KCNIP4: variants seen among roughly 807,000 people sequenced by gnomAD.
KCNIP4 encodes the protein potassium voltage-gated channel interacting protein 4, also known as Kv channel-interacting protein 4.
A neutral mutation model predicts 34.0 loss-of-function variants in KCNIP4; 12 were observed. The ratio of observed to expected loss-of-function variants is 0.35; its 90% CI spans 0.23 to 0.57. The LOEUF (loss-of-function observed/expected upper bound fraction) is 0.57. Among genes scored for constraint, KCNIP4 ranks in the 20% least tolerant of loss-of-function variants. KCNIP4 has a pLI of 0.83. For missense variants in KCNIP4, 238 were observed against 311.7 expected (o/e 0.76, Z 1.78); for synonymous variants, 124 against 102.2 (o/e 1.21, Z -1.29).
chr4:21,621,607 C>A (rs1745002001), intron 1 of KCNIP4, among the ~76,000 whole-genome samples: 1 of 152,096 alleles, frequency 6.6e-6, no homozygotes, highest in South Asian at 2.1e-4. Flanking sequence ...ATCCTCCCAC[C>A]TTAGCCTCCC....
intron 1 of KCNIP4, among the ~76,000 whole-genome samples, chr4:21,078,016 A>G (rs920296949): frequency 6.6e-6 from 1 of 152,132 alleles, no homozygotes; most frequent in Admixed American, 6.6e-5. Context: ...GCTTCTGGAG[A>G]CAAGGTGGCT....
At chr4:21,905,363 C>T (rs1312813160) in intron 1 of KCNIP4, among the ~76,000 whole-genome samples, 4 of 152,266 alleles carry the variant, frequency 2.6e-5, no homozygotes, top group African/African-American at 9.6e-5. Context: ...GGGCTTCATG[C>T]AGGGCTGATG....
At chr4:21,345,845 G>A (rs748575868) in intron 1 of KCNIP4, among the ~76,000 whole-genome samples, 28 of 151,778 alleles carry the variant, frequency 1.8e-4, no homozygotes, top group Non-Finnish European at 4.0e-4. Flanking sequence ...TCATTAGTTA[G>A]AATTAAAGCC....
chr4:20,913,137 A>G lies in KCNIP4; in HGVS notation c.62-30428T>C, dbSNP rs550131466. Among the ~76,000 whole-genome samples, 4 of 152,326 alleles carry G rather than the reference A, an allele frequency of 2.6e-5. No homozygotes were observed. In the South Asian group the frequency reaches 8.3e-4, roughly 32 times the overall value. On this transcript the variant is annotated intron_variant, in intron 1 of 8. Transcript: ENST00000382152. ...AAAGGTGGAAACAACCACAATGTCC[A>G]TTAACTGATAAATGAATAAACAAAA...
intron 1 of KCNIP4, among the ~76,000 whole-genome samples, chr4:21,134,580 T>A (rs184046115): frequency 6.6e-6 from 1 of 152,176 alleles, no homozygotes; most frequent in Admixed American, 6.5e-5. Context: ...TAAGTTTGCT[T>A]TTACATCACT....
chr4:21,191,366 G>A (rs940934718), intron 1 of KCNIP4, among the ~76,000 whole-genome samples: 8 of 152,194 alleles, frequency 5.3e-5, no homozygotes, highest in African/African-American at 1.9e-4. Context: ...ACGAAGGCTG[G>A]AAAGTATTCA....
At chr4:21,259,920 T>TGTGC (rs755266993) in intron 1 of KCNIP4, among the ~76,000 whole-genome samples, 51 of 150,198 alleles carry the variant, frequency 3.4e-4, no homozygotes, top group African/African-American at 1.1e-3. Context: ...TGTGTGTGTG[T>TGTGC]GCACGTGCGC....
intron 1 of KCNIP4, among the ~76,000 whole-genome samples, chr4:21,176,733 C>T (rs1397215133): frequency 6.6e-6 from 1 of 152,090 alleles, no homozygotes; most frequent in Non-Finnish European, 1.5e-5. Context: ...GTTGCTCAGG[C>T]TCCTCTCGAA....
At chr4:21,737,674 G>T (rs549467171) in intron 1 of KCNIP4, among the ~76,000 whole-genome samples, 13 of 152,172 alleles carry the variant, frequency 8.5e-5, no homozygotes, top group Admixed American at 7.2e-4. Context: ...TTACAGCTTA[G>T]GTCCCTGGTT....
At chr4:21,801,360 C>G (rs1262316228) in intron 1 of KCNIP4, among the ~76,000 whole-genome samples, 1 of 152,082 alleles carries the variant, frequency 6.6e-6, no homozygotes, top group East Asian at 1.9e-4. Context: ...AGTGACCAAC[C>G]TCTAGTTGCC....
In KCNIP4 at chr4:21,500,235, C is replaced by T. The variant is rs181408170; in HGVS notation, c.61+448336G>A. On this transcript the variant is annotated intron_variant, in intron 1 of 8. Transcript: ENST00000382152. Reference sequence around the variant, plus strand: ...TGTCTTTTTATTCATCTCGAAAATGCATGTTTTTTTGAAGCCATCATGGAA... The same window carrying T: ...TGTCTTTTTATTCATCTCGAAAATGTATGTTTTTTTGAAGCCATCATGGAA... Among the ~76,000 whole-genome samples, 82 of 152,198 alleles carry T rather than the reference C, an allele frequency of 5.4e-4. 1 individual carries two copies. The highest frequency in any genetic ancestry group is 4.3e-4 in the Non-Finnish European group (29 of 68,002).
intron 1 of KCNIP4, among the ~76,000 whole-genome samples, chr4:21,325,218 G>C (rs74675665): frequency 6.6e-6 from 1 of 151,786 alleles, no homozygotes; most frequent in Admixed American, 6.6e-5. Context: ...GTTCAGCAGC[G>C]AAGCCAGTGG....
At chr4:21,273,112 T>C (rs1762247928) in intron 1 of KCNIP4, among the ~76,000 whole-genome samples, 1 of 152,172 alleles carries the variant, frequency 6.6e-6, no homozygotes, top group Admixed American at 6.6e-5. Context: ...TAATTATTAC[T>C]GATAGTACAT....
At chr4:20,882,872 T>C (rs143067735) in intron 1 of KCNIP4, among the ~76,000 whole-genome samples, 163 bp from the exon 2 acceptor site, 1,564 of 152,206 alleles carry the variant, frequency 0.01, 25 homozygotes, top group African/African-American at 0.036. Flanking sequence ...AAAAAAAGTT[T>C]GTTTTCTTCT....
intron 1 of KCNIP4, among the ~76,000 whole-genome samples, chr4:21,868,837 G>GA (rs374704526): frequency 6.6e-6 from 1 of 152,050 alleles, no homozygotes; most frequent in Admixed American, 6.5e-5. Context: ...ATGCCATAAA[G>GA]AAAAAAACCC....
chr4:21,002,801 C>T lies in KCNIP4; in HGVS notation c.62-120092G>A, dbSNP rs1283913997. On this transcript the variant is annotated intron_variant, in intron 1 of 8. Transcript: ENST00000382152. The stretch of plus-strand genomic sequence containing the variant: ...ACGCAGAACAATGGGATTCAAGTCA[C>T]TGGAACATCAATTGACAGAGAATTA... 2.0e-5 allele frequency among the ~76,000 whole-genome samples: 3 copies of T among 152,168 alleles called. No homozygotes were observed. In the East Asian group the frequency reaches 5.8e-4, roughly 29 times the overall value.
chr4:21,165,771 G>A (rs1753587542), intron 1 of KCNIP4, among the ~76,000 whole-genome samples: 1 of 152,188 alleles, frequency 6.6e-6, no homozygotes, highest in South Asian at 2.1e-4. Context: ...GGAGGGAGTG[G>A]TATGGATTGA....
At chr4:20,810,101 G>T (rs990526623) in intron 3 of KCNIP4, among the ~76,000 whole-genome samples, 1 of 152,306 alleles carries the variant, frequency 6.6e-6, no homozygotes, top group East Asian at 1.9e-4. Context: ...TGGCAACTGG[G>T]GCCAGTGTGC....
chr4:20,941,491 C>T (rs559204826), intron 1 of KCNIP4, among the ~76,000 whole-genome samples: 12 of 152,104 alleles, frequency 7.9e-5, no homozygotes, highest in South Asian at 4.2e-4. Context: ...GCCAAAGGAA[C>T]GGAGAAAGAA....
Sources: allele counts gnomAD v4.1 joint callset (sites outside exome capture counted in the v4.1 genomes callset), GRCh38; gene constraint gnomAD v4.1.1; transcripts MANE v1.5; gene names NCBI Gene and HGNC (gene_info 2026-07-23, HGNC 2026-07-21).